Variants in MYH1 observed in about 807,000 individuals in gnomAD.
MYH1 encodes myosin heavy chain 1.
MYH1 carries 214 observed loss-of-function variants against 225.6 expected under a neutral mutation model. The observed-to-expected ratio is 0.95, with a 90% CI of 0.85 to 1.06. The LOEUF is 1.06. MYH1 is among the 50% of genes least tolerant of loss of function. MYH1 has a pLI of 0.00. For synonymous variants in MYH1, 774 were observed against 842.3 expected (o/e 0.92, Z 1.40); for missense variants, 2,098 against 2,344.2 (o/e 0.89, Z 2.17).
chr17:10,505,963 G>T (rs773212132), intron 18 of MYH1, 34 bp from the exon 19 acceptor site: 1 of 1,614,088 alleles, frequency 6.2e-7, no homozygotes, highest in Non-Finnish European at 8.5e-7. Context: ...ATACTTCGTG[G>T]TCTATCACAC....
intron 2 of MYH1, among the ~76,000 whole-genome samples, chr17:10,517,588 GA>G (rs1034950057): frequency 3.9e-5 from 6 of 152,038 alleles, no homozygotes; most frequent in Non-Finnish European, 7.4e-5. Context: ...CTTTTCCAGG[GA>G]AGCTCATTTG....
In MYH1 at chr17:10,501,006, A is replaced by T. The variant is rs1871752623; in HGVS notation, c.3738+104T>A. 2.6e-6 allele frequency: 4 copies of T among 1,528,568 alleles called. No homozygotes were observed. In the African/African-American group the frequency reaches 5.5e-5, roughly 21 times the overall value. 94.7% of individuals were successfully genotyped at this position (1,528,568 alleles called of 1,614,324 possible). On this transcript the variant is annotated intron_variant, in intron 27 of 39. Transcript: ENST00000226207. Reference sequence around the variant, plus strand: ...TTGTACTATACGTGATATGAGAAAAAGGGTGCCTGATTTAGTTCATGAGAC... The same window carrying T: ...TTGTACTATACGTGATATGAGAAAATGGGTGCCTGATTTAGTTCATGAGAC...
chr17:10,518,186 A>C (rs927902327), intron 2 of MYH1, 54 bp downstream of exon 2: 1 of 152,118 alleles, frequency 6.6e-6, no homozygotes, highest in African/African-American at 2.4e-5. Context: ...AAACCACTGC[A>C]GAAGATTCCT....
intron 9 of MYH1, 75 bp downstream of exon 9, chr17:10,513,548 TCAG>T (rs2073193206): frequency 5.8e-6 from 8 of 1,373,814 alleles, no homozygotes; most frequent in Admixed American, 3.4e-5. Flanking sequence ...AGCTCCATGT[TCAG>T]CAGGAGCTGC....
intron 33 of MYH1, 68 bp downstream of exon 33, chr17:10,497,001 C>A: frequency 6.4e-7 from 1 of 1,556,984 alleles, no homozygotes; most frequent in South Asian, 1.2e-5. Flanking sequence ...CTTGATTCAC[C>A]ATTCCTTACA....
intron 30 of MYH1, 61 bp from the exon 31 acceptor site, chr17:10,497,978 G>T: frequency 1.4e-6 from 2 of 1,451,266 alleles, no homozygotes; most frequent in Non-Finnish European, 1.9e-6. Flanking sequence ...TTCAAAGTGG[G>T]TACAAGAGAG....
rs1274700626 is a variant in MYH1, at chr17:10,505,251, C to T, written c.2347G>A (p.Glu783Lys). 6.2e-7 allele frequency: 1 copy of T among 1,614,120 alleles called. No individual in the cohort carries two copies. Among genetic ancestry groups the T allele is most frequent in the Non-Finnish European group, 8.5e-7 (1 of 1,180,046 alleles). ...CGGGTAATCAGCTGGGCCAGCTTCT[C>T]ATCTCGCATCTCCTCTAGGAGCCCC... ...LLGLLEEMRD[E>K]KLAQLITRTQ... The change falls in exon 21 of 40, where the codon GAG (glutamate) becomes AAG (lysine). Residue 783 changes from glutamate to lysine, a missense_variant. Coordinates refer to ENST00000226207, the MANE Select transcript of MYH1 (RefSeq NM_005963.4).
rs768487061 is a variant in MYH1, at chr17:10,508,605, T to A, written c.1655A>T (p.Lys552Met). The A allele has an allele frequency of 3.1e-6, 5 of 1,614,128 alleles. No homozygotes were observed. In the African/African-American group the frequency reaches 6.7e-5, roughly 22 times the overall value. Residue 552 changes from lysine to methionine, a missense_variant, in exon 16 of 40, where the codon AAG (lysine) becomes ATG (methionine). Transcript: ENST00000226207. ...AAGATGTTGTTCATACAGCTTGTTC[T>A]TGAAGGAGGTGTCTGTCGCCTTGGG... ...MFPKATDTSF[K>M]NKLYEQHLGK...
At chr17:10,510,703 A>G (rs2073162251) in intron 14 of MYH1, among the ~76,000 whole-genome samples, 2 of 152,188 alleles carry the variant, frequency 1.3e-5, no homozygotes, top group Admixed American at 1.3e-4. Context: ...CACAAAGACC[A>G]CATATTATCC....
chr17:10,506,165 T>G, intron 17 of MYH1, 66 bp from the exon 18 acceptor site: 2 of 1,583,932 alleles, frequency 1.3e-6, no homozygotes, highest in African/African-American at 2.7e-5. Flanking sequence ...TTTATAGACA[T>G]AATTATTGAG....
intron 37 of MYH1, 69 bp downstream of exon 37, chr17:10,494,862 G>A: frequency 6.2e-7 from 1 of 1,612,510 alleles, no homozygotes; most frequent in Non-Finnish European, 8.5e-7. Context: ...TCATCTAGCA[G>A]TGCTAGGTAT....
At position 10,495,758 on chromosome 17, in the gene MYH1, C is replaced by T. The variant is rs1241020827; in HGVS notation, c.5169+192G>A. Among the ~76,000 whole-genome samples, 9 of 3,750 alleles carry T rather than the reference C, an allele frequency of 2.4e-3. 1 individual carries two copies. The Non-Finnish European group carries it at 0.029, about 12-fold the overall frequency. The allele number at this position is 3,750 out of a possible 152,430, so 2.5% of individuals were successfully genotyped here. A position where few individuals can be genotyped will look rare whatever the true frequency, so the allele number is the denominator to read the frequency against. On this transcript the variant is annotated intron_variant, in intron 35 of 39. Transcript: ENST00000226207. ...CCTGAGCGACAGAGCGAGACTCCGT[C>T]TCAAAAAAAAAAAAAAAATCAACTA...
At chr17:10,502,480 T>C (rs1040227012) in intron 24 of MYH1, among the ~76,000 whole-genome samples, 2 of 152,224 alleles carry the variant, frequency 1.3e-5, no homozygotes, top group African/African-American at 4.8e-5. Flanking sequence ...GTATAGCTTT[T>C]CTTTGTGAAC....
At chr17:10,501,977 T>C (rs2073062814) in intron 24 of MYH1, 66 bp from the exon 25 acceptor site, 3 of 1,468,068 alleles carry the variant, frequency 2.0e-6, no homozygotes, top group Non-Finnish European at 9.2e-7. Context: ...AGATGAAATT[T>C]TTAAACATTA....
Position 10,495,956 on chromosome 17 carries a change from G to T in MYH1, c.5163C>A (p.His1721Gln). ...LDASERVQLL[H>Q]TQNTSLINTK... ...ATTCTATTATTACATGCACCTGGGT[G>T]TGCAGGAGCTGAACACGCTCACTGG... Residue 1721 changes from histidine (H) to glutamine (Q), a missense_variant, in exon 35 of 40, where the codon CAC becomes CAA. Physicochemically the swap from His to Gln is conservative, Grantham distance 24. Transcript: ENST00000226207. 1 of 1,614,010 alleles carries T rather than the reference G, an allele frequency of 6.2e-7. No individual in the cohort carries two copies. The highest frequency in any genetic ancestry group is 8.5e-7 in the Non-Finnish European group (1 of 1,180,008).
chr17:10,497,763 GGGCGGCACA>G lies in MYH1; in HGVS notation c.4327_4335del (p.Cys1443_Ala1445del). 3 of 1,613,912 alleles carry G rather than the reference GGGCGGCACA, an allele frequency of 1.9e-6. No individual in the cohort carries two copies. The highest frequency in any genetic ancestry group is 1.7e-5 in the Admixed American group (1 of 59,928). On this transcript the variant is annotated inframe_deletion, in exon 31 of 40. Transcript: ENST00000226207. The stretch of plus-strand genomic sequence containing the variant: ...TCAAAGTTCCTTTGCTTTTTGTCCA[GGGCGGCACA>G]GGCAGCATTTGTCCTCTCAACATCA...
intron 37 of MYH1, 45 bp downstream of exon 37, chr17:10,494,886 T>C: frequency 6.2e-7 from 1 of 1,613,990 alleles, no homozygotes; most frequent in Non-Finnish European, 8.5e-7. Context: ...GAATCGTGTG[T>C]TGGATTGGAA....
rs755008115 is a variant in MYH1 at position 10,505,819 on chromosome 17, T to G, written c.2167A>C (p.Lys723Gln). Residue 723 changes from lysine (K) to glutamine (Q), a missense_variant, in exon 19 of 40, where the codon AAA (lysine) becomes CAA (glutamine). Coordinates refer to ENST00000226207, the MANE Select transcript of MYH1 (RefSeq NM_005963.4). ...FPSRILYADF[K>Q]QRYKVLNASA... ...ACAGCAAAAATGTCTGACCTCTGTT[T>G]GAAGTCTGCATAAAGGATTCTGCTT... is the stretch of plus-strand genomic sequence containing the variant. 1 of 1,613,924 alleles carries G rather than the reference T, an allele frequency of 6.2e-7. No individual in the cohort carries two copies. The highest frequency in any genetic ancestry group is 2.2e-5 in the East Asian group (1 of 44,892).
intron 33 of MYH1, among the ~76,000 whole-genome samples, 200 bp from the exon 34 acceptor site, chr17:10,496,749 C>T (rs1241198656): frequency 6.6e-6 from 1 of 152,166 alleles, no homozygotes; most frequent in African/African-American, 2.4e-5. Flanking sequence ...TTTGTGCTGC[C>T]ATCATACATT....
Sources: gnomAD v4.1 joint callset for allele counts (sites outside exome capture counted in the v4.1 genomes callset) on GRCh38, gnomAD v4.1.1 for gene constraint, MANE v1.5 for transcripts, NCBI Gene and HGNC (gene_info 2026-07-23, HGNC 2026-07-21) for gene names.